Variants in MCF2L2 observed in about 807,000 individuals in gnomAD.
MCF2L2 encodes probable guanine nucleotide exchange factor MCF2L2.
Under a neutral mutation model 150.2 loss-of-function variants are expected in MCF2L2, and 102 were observed. The observed-to-expected ratio is 0.68, with a 90% CI of 0.58 to 0.80. MCF2L2 has a LOEUF of 0.80. Among genes scored for constraint, MCF2L2 ranks in the 30% least tolerant of loss-of-function variants. The probability of loss-of-function intolerance (pLI) is 0.00; values close to 1 mark genes in which losing one functional copy is unlikely to be tolerated. For synonymous variants in MCF2L2, 465 were observed against 491.3 expected, an observed-to-expected ratio of 0.95 and a Z score of 0.71; for missense variants, 1,256 against 1,372.8, an observed-to-expected ratio of 0.91 and a Z score of 1.34.
rs58788215 is a variant in MCF2L2 at position 183,292,556 on chromosome 3, TACACACAC to T, written c.1675+2736_1675+2743del. ...CAGAAATGGTGAATAAGGGGGTATG[TACACACAC>T]ACACACACACACACACACACACACA... On this transcript the variant is annotated intron_variant, in intron 13 of 29. Transcript: ENST00000328913. 3.2e-3 allele frequency among the ~76,000 whole-genome samples: 462 copies of T among 145,570 alleles called. 4 individuals are homozygous for T. The highest frequency in any genetic ancestry group is 0.01 in the African/African-American group (413 of 39,760).
intron 3 of MCF2L2, among the ~76,000 whole-genome samples, chr3:183,351,228 A>ATG (rs1560035022): frequency 1.1e-5 from 1 of 87,820 alleles, no homozygotes; most frequent in Non-Finnish European, 2.0e-5. Flanking sequence ...ATATATATAT[A>ATG]TATATATATT....
At position 183,352,092 on chromosome 3, in the gene MCF2L2, T is replaced by C. The variant is rs139004434; in HGVS notation, c.276-10462A>G. 7.2e-3 allele frequency among the ~76,000 whole-genome samples: 1,103 copies of C among 152,332 alleles called. 8 individuals are homozygous for C. Among genetic ancestry groups the C allele is most frequent in the African/African-American group, 0.025 (1,028 of 41,572 alleles). ...GGGATGATTTTGTCGATCTCTCAAG[T>C]ACTTCAGCATCTTCATCATACTTTC... On this transcript the variant is annotated intron_variant, in intron 3 of 29. Transcript: ENST00000328913.
chr3:183,250,667 C>A (rs1330789879), intron 15 of MCF2L2, among the ~76,000 whole-genome samples: 1 of 150,984 alleles, frequency 6.6e-6, no homozygotes, highest in Admixed American at 6.6e-5. Flanking sequence ...AGCATGTGTG[C>A]GGAGAAGAGA....
intron 6 of MCF2L2, among the ~76,000 whole-genome samples, chr3:183,319,650 C>T (rs1214667874): frequency 6.6e-6 from 1 of 152,234 alleles, no homozygotes; most frequent in Non-Finnish European, 1.5e-5. Context: ...TGTTAGCAGG[C>T]ATGAAAACAT....
chr3:183,180,208 T>G, intron 27 of MCF2L2, 49 bp from the exon 28 acceptor site: 2 of 1,208,334 alleles, frequency 1.7e-6, no homozygotes, highest in Non-Finnish European at 2.5e-6. Flanking sequence ...TGGGAGGACA[T>G]CCCCTCTGCC....
rs75166343 is a variant in MCF2L2 at position 183,264,860 on chromosome 3, C to A, written c.1862+12012G>T. 8.5e-3 allele frequency among the ~76,000 whole-genome samples: 1,289 copies of A among 152,256 alleles called. 7 individuals carry two copies. The highest frequency in any genetic ancestry group is 0.018 in the Admixed American group (274 of 15,298). On this transcript the variant is annotated intron_variant, in intron 15 of 29. Coordinates refer to ENST00000328913, the MANE Select transcript of MCF2L2 (RefSeq NM_015078.4). ...TATTCTTATGAGTAACTGAGGGGCA[C>A]GGCTCCTAGACTGAAAAGTATTTGG...
chr3:183,314,173 G>A (rs182051925), intron 7 of MCF2L2, among the ~76,000 whole-genome samples: 20 of 152,274 alleles, frequency 1.3e-4, no homozygotes, highest in Non-Finnish European at 2.2e-4. Context: ...CAAGGTGCCC[G>A]CAATTTGATT....
intron 18 of MCF2L2, chr3:183,224,595 TTCTC>T (rs1255275024): frequency 6.4e-6 from 1 of 156,972 alleles, no homozygotes; most frequent in African/African-American, 2.4e-5. Flanking sequence ...TCCCCCTCTC[TTCTC>T]TCTCCACCCT....
intron 3 of MCF2L2, among the ~76,000 whole-genome samples, chr3:183,346,819 A>G (rs1730917606): frequency 6.6e-6 from 1 of 152,218 alleles, no homozygotes; most frequent in Non-Finnish European, 1.5e-5. Flanking sequence ...TGCTACAAAG[A>G]GAATAAAGTA....
intron 1 of MCF2L2, among the ~76,000 whole-genome samples, chr3:183,424,840 A>T (rs1158443693): frequency 6.6e-6 from 1 of 152,206 alleles, no homozygotes; most frequent in Non-Finnish European, 1.5e-5. Context: ...GCAAATACTT[A>T]GAGGTGAGAA....
At chr3:183,384,249 G>A (rs1055476432) in intron 2 of MCF2L2, among the ~76,000 whole-genome samples, 1 of 152,218 alleles carries the variant, frequency 6.6e-6, no homozygotes, top group Admixed American at 6.5e-5. Context: ...CCTGGGCGTA[G>A]GCTGAACTAA....
chr3:183,403,386 T>A (rs34262591), intron 1 of MCF2L2, among the ~76,000 whole-genome samples: 10,128 of 151,882 alleles, frequency 0.067, 739 homozygotes, highest in African/African-American at 0.16. Context: ...TAAGAGAGAG[T>A]GAGATTGTAT....
intron 1 of MCF2L2, among the ~76,000 whole-genome samples, chr3:183,392,543 G>T (rs1207551634): frequency 1.3e-5 from 2 of 152,196 alleles, no homozygotes. Context: ...GAGCTGCTTT[G>T]CTTTAAGTGC....
intron 27 of MCF2L2, among the ~76,000 whole-genome samples, chr3:183,188,629 G>A (rs1721777102): frequency 6.6e-6 from 1 of 152,166 alleles, no homozygotes; most frequent in South Asian, 2.1e-4. Context: ...CTGTGATCAC[G>A]TCTATGGCTG....
At chr3:183,353,081 T>C (rs988800839) in intron 3 of MCF2L2, among the ~76,000 whole-genome samples, 4 of 152,308 alleles carry the variant, frequency 2.6e-5, no homozygotes, top group South Asian at 2.1e-4. Context: ...GATAGAAACA[T>C]AGGTGTTTAT....
At chr3:183,389,638 C>T (rs1479210063) in intron 2 of MCF2L2, 58 bp downstream of exon 2, 6 of 1,419,936 alleles carry the variant, frequency 4.2e-6, no homozygotes, top group African/African-American at 1.4e-5. Context: ...AGAGGCTGGA[C>T]CTTCCCATCA....
chr3:183,279,532 C>T (rs1419671691), intron 14 of MCF2L2, among the ~76,000 whole-genome samples: 1 of 152,178 alleles, frequency 6.6e-6, no homozygotes, highest in African/African-American at 2.4e-5. Flanking sequence ...TCCCTTCCTT[C>T]ACCCTGAATT....
chr3:183,279,156 AACACACAC>A (rs374605194), intron 14 of MCF2L2, among the ~76,000 whole-genome samples: 1 of 150,180 alleles, frequency 6.7e-6, no homozygotes, highest in Non-Finnish European at 1.5e-5. Flanking sequence ...AGAAGTACAT[AACACACAC>A]ACACACACAC....
At position 183,181,907 on chromosome 3, in the gene MCF2L2, C is replaced by T. The variant is rs1484950551; in HGVS notation, c.3017-1748G>A. 1.3e-5 allele frequency among the ~76,000 whole-genome samples: 2 copies of T among 152,156 alleles called. No individual in the cohort carries two copies. Among genetic ancestry groups the T allele is most frequent in the Non-Finnish European group, 2.9e-5 (2 of 68,006 alleles). On this transcript the variant is annotated intron_variant, in intron 27 of 29. Transcript: ENST00000328913. This position sits in a 1 kb window ranked among gnomAD's most constrained non-coding sequence, Gnocchi z 4.3. ...ACTGAAAAACCTGACAAGCTCTAGC[C>T]CCTCCGCAGGGTAAGTGGTACCTCC...
Sources: gnomAD v4.1 joint callset for allele counts (sites outside exome capture counted in the v4.1 genomes callset) on GRCh38, gnomAD v4.1.1 for gene constraint, Gnocchi (gnomAD v3.1) non-coding constraint, MANE v1.5 for transcripts, NCBI Gene and HGNC (gene_info 2026-07-23, HGNC 2026-07-21) for gene names.